Variants in ELF1 observed in about 807,000 individuals in gnomAD.
ELF1 encodes the protein E74 like ETS transcription factor 1.
Under a neutral mutation model 59.9 loss-of-function variants are expected in ELF1, and 24 were observed. That is an observed-to-expected ratio of 0.40 (90% confidence interval 0.29 to 0.56). The LOEUF is 0.56. ELF1 is among the 20% of genes least tolerant of loss of function. ELF1 has a pLI of 0.44. For missense variants in ELF1, 627 were observed against 742.2 expected, an observed-to-expected ratio of 0.84 and a Z score of 1.80; for synonymous variants, 248 against 266.2, an observed-to-expected ratio of 0.93 and a Z score of 0.67.
intron 1 of ELF1, among the ~76,000 whole-genome samples, chr13:41,052,701 G>GC (rs2138436157): frequency 6.6e-6 from 1 of 151,966 alleles, no homozygotes; most frequent in South Asian, 2.1e-4. Flanking sequence ...GGGAGACAGA[G>GC]AGACTCCCTG....
In ELF1 at chr13:40,967,698, C is replaced by T. The variant is rs564153631; in HGVS notation, c.73-8682G>A. 3.9e-5 allele frequency among the ~76,000 whole-genome samples: 6 copies of T among 152,130 alleles called. No homozygotes were observed. In the East Asian group the frequency reaches 1.2e-3, roughly 29 times the overall value. ...CTGTGAACTCCTGGGCTCATGCAAT[C>T]CTCCTGCCTCAGTCTCCCAAGTAGC... On this transcript the variant is annotated intron_variant, in intron 2 of 8. Coordinates refer to ENST00000239882, the MANE Select transcript of ELF1 (RefSeq NM_172373.4).
chr13:40,934,183 CTT>C (rs953378607), intron 8 of ELF1, among the ~76,000 whole-genome samples, 155 bp from the exon 9 acceptor site: 1 of 152,180 alleles, frequency 6.6e-6, no homozygotes, highest in Non-Finnish European at 1.5e-5. Flanking sequence ...TCATGCCAGA[CTT>C]TGTATTAAAC....
intron 1 of ELF1, among the ~76,000 whole-genome samples, chr13:41,044,963 A>C (rs1235923982): frequency 6.6e-6 from 1 of 151,896 alleles, no homozygotes; most frequent in African/African-American, 2.4e-5. Context: ...TTATTTCCTC[A>C]ATTTCAGAGC....
chr13:40,989,322 A>C (rs762095473), intron 1 of ELF1, among the ~76,000 whole-genome samples: 2 of 152,236 alleles, frequency 1.3e-5, no homozygotes, highest in Non-Finnish European at 2.9e-5. Flanking sequence ...GTCACAAGGC[A>C]AACAAATCAT....
intron 3 of ELF1, among the ~76,000 whole-genome samples, chr13:40,954,600 G>A (rs1273634642): frequency 7.2e-5 from 11 of 152,136 alleles, no homozygotes; most frequent in Non-Finnish European, 5.9e-5. Flanking sequence ...GGCGCGCGCC[G>A]CCACGCCTGA....
chr13:41,028,410 G>A (rs1014910677), intron 1 of ELF1, among the ~76,000 whole-genome samples: 4 of 152,122 alleles, frequency 2.6e-5, no homozygotes, highest in African/African-American at 9.7e-5. Context: ...TCTACTAATA[G>A]CCCAGACCCT....
At chr13:40,965,843 C>T (rs981035982) in intron 2 of ELF1, among the ~76,000 whole-genome samples, 2 of 152,138 alleles carry the variant, frequency 1.3e-5, no homozygotes, top group African/African-American at 4.8e-5. Flanking sequence ...TTTCGCTGTA[C>T]AGTGGGAAAC....
intron 1 of ELF1, among the ~76,000 whole-genome samples, chr13:41,035,973 C>G (rs1306635136): frequency 2.0e-5 from 3 of 150,956 alleles, no homozygotes; most frequent in African/African-American, 7.3e-5. Flanking sequence ...GGCGCAATCT[C>G]GGCTCACTGC....
chr13:41,040,119 C>A (rs188724296), intron 1 of ELF1, among the ~76,000 whole-genome samples: 7 of 152,106 alleles, frequency 4.6e-5, no homozygotes, highest in African/African-American at 1.4e-4. Context: ...GACTTTAATG[C>A]CTCTATCTTT....
chr13:40,989,089 C>T lies in ELF1; in HGVS notation c.-228-6807G>A, dbSNP rs564269709. On this transcript the variant is annotated intron_variant, in intron 1 of 8. Transcript: ENST00000239882. ...CTGGGATTACAGGCATGAGCCACTA[C>T]GCCTAGCCTTTCTAGCTATTTTAAA... Among the ~76,000 whole-genome samples the T allele has an allele frequency of 3.9e-5, 6 of 152,342 alleles. No individual in the cohort carries two copies. The East Asian group carries it at 7.7e-4, about 20-fold the overall frequency.
chr13:40,959,512 A>AAAT (rs1238134694), intron 2 of ELF1, among the ~76,000 whole-genome samples: 1 of 152,108 alleles, frequency 6.6e-6, no homozygotes, highest in Non-Finnish European at 1.5e-5. Context: ...TAAATAAAAT[A>AAAT]AATAATAATA....
At chr13:41,060,738 T>C (rs945397212) in intron 1 of ELF1, 16 of 166,640 alleles carry the variant, frequency 9.6e-5, no homozygotes, top group South Asian at 2.9e-4. Context: ...TAAGGAAGCG[T>C]TCCCATACCG....
upstream of ELF1, among the ~76,000 whole-genome samples, chr13:41,021,880 CAACAA>C (rs935456687): frequency 2.0e-5 from 3 of 152,098 alleles, no homozygotes; most frequent in Admixed American, 6.5e-5. Context: ...GACACCACCA[CAACAA>C]AACAAAACAA....
chr13:40,939,597 C>T (rs1870006903), intron 8 of ELF1, among the ~76,000 whole-genome samples: 1 of 152,150 alleles, frequency 6.6e-6, no homozygotes, highest in Non-Finnish European at 1.5e-5. Flanking sequence ...AAATATAAAA[C>T]ATTAAGGGGA....
chr13:40,956,176 G>T lies in ELF1; in HGVS notation c.253+2660C>A, dbSNP rs866366020. Among the ~76,000 whole-genome samples, 467 of 151,428 alleles carry T rather than the reference G, an allele frequency of 3.1e-3. 5 individuals are homozygous for T. Among genetic ancestry groups the T allele is most frequent in the African/African-American group, 0.01 (431 of 41,428 alleles). ...GACTGAGAAATCGGATGGTTGCCGT[G>T]TCTGTGTAGAAAGAGGTAGACGTGG... On this transcript the variant is annotated intron_variant, in intron 3 of 8. Transcript: ENST00000239882.
At chr13:40,990,372 G>A (rs1450755546) in intron 1 of ELF1, among the ~76,000 whole-genome samples, 9 of 151,964 alleles carry the variant, frequency 5.9e-5, no homozygotes, top group Non-Finnish European at 1.0e-4. Context: ...ATTCACTTTC[G>A]CCTCTATTAG....
At chr13:40,939,319 AAAAAC>A (rs1161907093) in intron 8 of ELF1, among the ~76,000 whole-genome samples, 1 of 152,218 alleles carries the variant, frequency 6.6e-6, no homozygotes, top group African/African-American at 2.4e-5. Context: ...TTTGTCTCAA[AAAAAC>A]AAAACAAAAC....
Position 41,060,911 on chromosome 13 carries a change from T to G in ELF1, c.-302A>C, listed in dbSNP as rs985449981. 1.5e-5 allele frequency: 4 copies of G among 264,454 alleles called. 1 individual carries two copies. The highest frequency in any genetic ancestry group is 2.9e-5 in the Non-Finnish European group (4 of 140,244). The allele number at this position is 264,454 out of a possible 1,614,324, so 16.4% of individuals were successfully genotyped here. A position where few individuals can be genotyped will look rare whatever the true frequency, so the allele number is the denominator to read the frequency against. Reference sequence around the variant, plus strand: ...GCCGCCTCTGCGCTACTGAAGCTGCTGCTGCCGCCGCCGCCGCCGCCGCCG... The same window carrying G: ...GCCGCCTCTGCGCTACTGAAGCTGCGGCTGCCGCCGCCGCCGCCGCCGCCG... On this transcript the variant is annotated 5_prime_UTR_variant, in exon 1 of 2. Transcript: ENST00000405737.
At chr13:40,968,945 C>G (rs1170026060) in intron 2 of ELF1, among the ~76,000 whole-genome samples, 4 of 152,122 alleles carry the variant, frequency 2.6e-5, no homozygotes, top group Admixed American at 6.5e-5. Context: ...GTCTCAAACT[C>G]CTGGGCTTAA....
Sources: allele counts gnomAD v4.1 joint callset (sites outside exome capture counted in the v4.1 genomes callset), GRCh38; gene constraint gnomAD v4.1.1; transcripts MANE v1.5; gene names NCBI Gene and HGNC (gene_info 2026-07-23, HGNC 2026-07-21).